The following OR2M5 variants were observed in gnomAD, a reference collection of about 807,000 sequenced individuals.
The protein encoded by OR2M5 is olfactory receptor family 2 subfamily M member 5, also known as olfactory receptor 2M5.
For synonymous variants in OR2M5, 164 were observed against 139.6 expected, an observed-to-expected ratio of 1.18 and a Z score of -1.23; for missense variants, 413 against 389.3, an observed-to-expected ratio of 1.06 and a Z score of -0.51.
chr1:248,145,327 C>A lies in OR2M5; in HGVS notation c.180C>A (p.Tyr60Ter), dbSNP rs529814999. The change falls in exon 1 of 1, where the codon TAC becomes TAA. Residue 60 changes from tyrosine (Y) to a stop codon, truncating the protein, a stop_gained. Transcript: ENST00000366476. LOFTEE classifies it low-confidence loss of function (END_TRUNC). ...YLDTQLHTPM[Y>*]FLLSQLFLMD... is the part of the protein sequence containing the mutation. ...ACACCCAGCTCCACACCCCCATGTA[C>A]TTCCTCCTCAGTCAACTGTTCCTCA... 1 of 1,614,064 alleles carries A rather than the reference C, an allele frequency of 6.2e-7. No homozygotes were observed. The highest frequency in any genetic ancestry group is 1.1e-5 in the South Asian group (1 of 91,070).
Position 248,145,430 on chromosome 1 carries a change from G to A in OR2M5, c.283G>A (p.Ala95Thr), listed in dbSNP as rs1665411987. ...YLSGSKSISMAGCATQIFFYV... is the reference protein window; with the variant it reads ...YLSGSKSISMTGCATQIFFYV... ...GTCTGGCAGCAAGTCCATTTCTATG[G>A]CTGGTTGTGCCACACAAATTTTCTT... is the stretch of plus-strand genomic sequence containing the variant. The change falls in exon 1 of 1, where the codon GCT (alanine) becomes ACT (threonine). Residue 95 changes from alanine (A) to threonine (T), a missense_variant. Ala to Thr is a moderately conservative substitution (Grantham distance 58). Transcript: ENST00000366476. The A allele has an allele frequency of 6.2e-7, 1 of 1,613,890 alleles. No homozygotes were observed. Among genetic ancestry groups the A allele is most frequent in the Admixed American group, 1.7e-5 (1 of 59,976 alleles).
Position 248,145,534 on chromosome 1 carries a change from T to C in OR2M5, c.387T>C (p.Pro129=), listed in dbSNP as rs754129485. The change falls in exon 1 of 1, where the codon CCT becomes CCC. Residue 129 remains proline (P), a synonymous_variant. Transcript: ENST00000366476. ...ACCGCTATATTGCCATTTGCCACCC[T>C]CTAAGATACACCAATCTCATGAGAC... ...SYDRYIAICH[P]LRYTNLMRPK... is the part of the protein sequence containing the mutation. 21 of 1,613,862 alleles carry C rather than the reference T, an allele frequency of 1.3e-5. No homozygotes were observed. The East Asian group carries it at 4.5e-4, about 34-fold the overall frequency.
chr1:248,145,211 C>T lies in OR2M5; in HGVS notation c.64C>T (p.Pro22Ser), dbSNP rs1665408018. 6.2e-7 allele frequency: 1 copy of T among 1,613,926 alleles called. No individual in the cohort carries two copies. The highest frequency in any genetic ancestry group is 2.2e-5 in the East Asian group (1 of 44,882). Residue 22 changes from proline (P) to serine (S), a missense_variant, in exon 1 of 1, where the codon CCC (proline) becomes TCC (serine). Physicochemically the swap from Pro to Ser is moderately conservative, Grantham distance 74. Transcript: ENST00000366476. ...FILLGIFNHS[P>S]THTFLFFLVL... Reference sequence around the variant, plus strand: ...CCTCCTGGGAATCTTCAATCACAGCCCCACCCACACCTTCCTCTTCTTTCT... The same window carrying T: ...CCTCCTGGGAATCTTCAATCACAGCTCCACCCACACCTTCCTCTTCTTTCT...
rs41305578 is a variant in OR2M5 at position 248,145,805 on chromosome 1, C to G, written c.658C>G (p.Arg220Gly). 2.2e-3 allele frequency: 3,471 copies of G among 1,613,198 alleles called. 7 individuals are homozygous for G. The highest frequency in any genetic ancestry group is 2.6e-3 in the Non-Finnish European group (3,086 of 1,179,786). The change falls in exon 1 of 1, where the codon CGA (arginine) becomes GGA (glycine). Residue 220 changes from arginine to glycine, a missense_variant. By Grantham distance (125) the Arg-to-Gly change is moderately radical. Transcript: ENST00000366476. The part of the protein sequence containing the change: ...PVAIIIASYA[R>G]VILAVIHMGS... ...TGCAATCATCATCGCTTCCTATGCT[C>G]GAGTTATTCTGGCTGTCATTCACAT...
rs148094705 is a variant in OR2M5 at position 248,145,899 on chromosome 1, A to G, written c.752A>G (p.Tyr251Cys). 3 of 1,613,912 alleles carry G rather than the reference A, an allele frequency of 1.9e-6. No individual in the cohort carries two copies. The highest frequency in any genetic ancestry group is 2.5e-6 in the Non-Finnish European group (3 of 1,179,934). Residue 251 changes from tyrosine (Y) to cysteine (C), a missense_variant, in exon 1 of 1, where the codon TAC becomes TGC. Tyr to Cys is a radical substitution (Grantham distance 194, BLOSUM62 -2). Transcript: ENST00000366476. ...CSSHLMVVGM[Y>C]YGAGLFMYIR... is the part of the protein sequence containing the mutation. ...TCTCACCTCATGGTGGTGGGAATGTACTATGGAGCAGGTTTGTTCATGTAC... is the reference window on the plus strand; with the variant it reads ...TCTCACCTCATGGTGGTGGGAATGTGCTATGGAGCAGGTTTGTTCATGTAC...
Position 248,145,637 on chromosome 1 carries a change from T to C in OR2M5, c.490T>C (p.Phe164Leu). 1 of 1,613,670 alleles carries C rather than the reference T, an allele frequency of 6.2e-7. No homozygotes were observed. The highest frequency in any genetic ancestry group is 2.2e-5 in the East Asian group (1 of 44,884). ...TGCAATCATTGATGCTGTAGCGACA[T>C]TTTCCTTCTCCTACTGTGGGTCTCG... is the stretch of plus-strand genomic sequence containing the variant. ...MDAIIDAVATFSFSYCGSREI... is the reference protein window; with the variant it reads ...MDAIIDAVATLSFSYCGSREI... Residue 164 changes from phenylalanine (F) to leucine (L), a missense_variant, in exon 1 of 1, where the codon TTT (phenylalanine) becomes CTT (leucine). Coordinates refer to ENST00000366476, the MANE Select transcript of OR2M5 (RefSeq NM_001004690.1).
chr1:248,145,799 T>C lies in OR2M5; in HGVS notation c.652T>C (p.Tyr218His), dbSNP rs539052411. The C allele has an allele frequency of 1.2e-6, 2 of 1,613,350 alleles. No individual in the cohort carries two copies. Among genetic ancestry groups the C allele is most frequent in the Admixed American group, 3.3e-5 (2 of 60,002 alleles). ...TCCTGTTGCAATCATCATCGCTTCC[T>C]ATGCTCGAGTTATTCTGGCTGTCAT... ...VFPVAIIIAS[Y>H]ARVILAVIHM... Residue 218 changes from tyrosine (Y) to histidine (H), a missense_variant, in exon 1 of 1, where the codon TAT becomes CAT. Tyr to His is a moderately conservative substitution (Grantham distance 83, BLOSUM62 2). Coordinates refer to ENST00000366476, the MANE Select transcript of OR2M5 (RefSeq NM_001004690.1).
chr1:248,145,274 T>G lies in OR2M5; in HGVS notation c.127T>G (p.Ser43Ala), dbSNP rs1363459039. Residue 43 changes from serine (S) to alanine (A), a missense_variant, in exon 1 of 1, where the codon TCT (serine) becomes GCT (alanine). By Grantham distance (99) the Ser-to-Ala change is moderately conservative (BLOSUM62 1). Transcript: ENST00000366476. ...CTTTTCAGTGGCCTTCATGGGAAAC[T>G]CTGTCATGGTTCTCCTCATCTACCT... ...AIFSVAFMGN[S>A]VMVLLIYLDT... The G allele has an allele frequency of 6.2e-7, 1 of 1,613,976 alleles. No homozygotes were observed. The highest frequency in any genetic ancestry group is 8.5e-7 in the Non-Finnish European group (1 of 1,179,946).
rs1665424665 is a variant in OR2M5, at chr1:248,145,969, G to A, written c.822G>A (p.Val274=). 1 of 1,613,798 alleles carries A rather than the reference G, an allele frequency of 6.2e-7. No individual in the cohort carries two copies. The highest frequency in any genetic ancestry group is 1.1e-5 in the South Asian group (1 of 91,076). ...GCTCCCCTATGCAGGACAAGCTGGT[G>A]TCTGTATTCTACACCATCCTCACTC... The part of the protein sequence containing the change: ...SDRSPMQDKL[V]SVFYTILTPM... The change falls in exon 1 of 1, where the codon GTG becomes GTA. Residue 274 remains valine, a synonymous_variant. Transcript: ENST00000366476.
chr1:248,145,693 T>C lies in OR2M5; in HGVS notation c.546T>C (p.Pro182=), dbSNP rs758076955. Residue 182 remains proline, a synonymous_variant, in exon 1 of 1, where the codon CCT becomes CCC. Coordinates refer to ENST00000366476, the MANE Select transcript of OR2M5 (RefSeq NM_001004690.1). ...TAGCCCACTTCTTCTGTGACTTCCC[T>C]TCCCTACTAATCCTCTCATGCAATG... ...REIAHFFCDF[P]SLLILSCNDT... 2 of 1,613,834 alleles carry C rather than the reference T, an allele frequency of 1.2e-6. No individual in the cohort carries two copies. Among genetic ancestry groups the C allele is most frequent in the Admixed American group, 1.7e-5 (1 of 59,994 alleles).
rs374109879 is a variant in OR2M5 at position 248,145,885 on chromosome 1, G to A, written c.738G>A (p.Met246Ile). The part of the protein sequence containing the change: ...KAFTTCSSHL[M>I]VVGMYYGAGL... ...TTACTACCTGTTCCTCTCACCTCAT[G>A]GTGGTGGGAATGTACTATGGAGCAG... Residue 246 changes from methionine (M) to isoleucine (I), a missense_variant, in exon 1 of 1, where the codon ATG becomes ATA. Coordinates refer to ENST00000366476, the MANE Select transcript of OR2M5 (RefSeq NM_001004690.1). 1.2e-6 allele frequency: 2 copies of A among 1,613,892 alleles called. No individual in the cohort carries two copies. Among genetic ancestry groups the A allele is most frequent in the Non-Finnish European group, 1.7e-6 (2 of 1,179,942 alleles).
Position 248,145,767 on chromosome 1 carries a change from T to C in OR2M5, c.620T>C (p.Ile207Thr). The stretch of plus-strand genomic sequence containing the variant: ...CTTTTCATCTGCTGTATAGTAATGA[T>C]TGTTTTTCCTGTTGCAATCATCATC... ...KVLFICCIVM[I>T]VFPVAIIIAS... The change falls in exon 1 of 1, where the codon ATT (isoleucine) becomes ACT (threonine). Residue 207 changes from isoleucine to threonine, a missense_variant. Ile to Thr is a moderately conservative substitution (Grantham distance 89, BLOSUM62 -1). Coordinates refer to ENST00000366476, the MANE Select transcript of OR2M5 (RefSeq NM_001004690.1). 1.2e-6 allele frequency: 2 copies of C among 1,613,700 alleles called. No individual in the cohort carries two copies. The highest frequency in any genetic ancestry group is 1.7e-6 in the Non-Finnish European group (2 of 1,179,794).
Position 248,145,362 on chromosome 1 carries a change from T to C in OR2M5, c.215T>C (p.Met72Thr), listed in dbSNP as rs774106517. 5 of 1,614,024 alleles carry C rather than the reference T, an allele frequency of 3.1e-6. No individual in the cohort carries two copies. Among genetic ancestry groups the C allele is most frequent in the Non-Finnish European group, 3.4e-6 (4 of 1,179,986 alleles). The change falls in exon 1 of 1, where the codon ATG becomes ACG. Residue 72 changes from methionine (M) to threonine (T), a missense_variant. Physicochemically the swap from Met to Thr is moderately conservative, Grantham distance 81. Transcript: ENST00000366476. ...AGTCAACTGTTCCTCATGGACCTCA[T>C]GCTCATCTGCTCTACCGTACCCAAG... ...LLSQLFLMDL[M>T]LICSTVPKMA...
Position 248,145,266 on chromosome 1 carries a change from T to C in OR2M5, c.119T>C (p.Met40Thr), listed in dbSNP as rs1665408990. 1 of 1,613,904 alleles carries C rather than the reference T, an allele frequency of 6.2e-7. No homozygotes were observed. Among genetic ancestry groups the C allele is most frequent in the Non-Finnish European group, 8.5e-7 (1 of 1,179,948 alleles). The change falls in exon 1 of 1, where the codon ATG (methionine) becomes ACG (threonine). Residue 40 changes from methionine to threonine, a missense_variant. Coordinates refer to ENST00000366476, the MANE Select transcript of OR2M5 (RefSeq NM_001004690.1). ...LVLAIFSVAF[M>T]GNSVMVLLIY... ...CTGGCCATCTTTTCAGTGGCCTTCA[T>C]GGGAAACTCTGTCATGGTTCTCCTC...
Position 248,145,652 on chromosome 1 carries a change from T to C in OR2M5, c.505T>C (p.Cys169Arg), listed in dbSNP as rs147321230. 5 of 1,613,856 alleles carry C rather than the reference T, an allele frequency of 3.1e-6. No individual in the cohort carries two copies. The highest frequency in any genetic ancestry group is 1.3e-5 in the African/African-American group (1 of 75,024). Residue 169 changes from cysteine (C) to arginine (R), a missense_variant, in exon 1 of 1, where the codon TGT becomes CGT. By Grantham distance (180) the Cys-to-Arg change is radical. Coordinates refer to ENST00000366476, the MANE Select transcript of OR2M5 (RefSeq NM_001004690.1). ...TGTAGCGACATTTTCCTTCTCCTAC[T>C]GTGGGTCTCGGGAAATAGCCCACTT... ...DAVATFSFSY[C>R]GSREIAHFFC...
chr1:248,145,713 G>T lies in OR2M5; in HGVS notation c.566G>T (p.Cys189Phe). The T allele has an allele frequency of 6.2e-7, 1 of 1,613,690 alleles. No individual in the cohort carries two copies. Among genetic ancestry groups the T allele is most frequent in the South Asian group, 1.1e-5 (1 of 91,070 alleles). ...TTCCCTTCCCTACTAATCCTCTCAT[G>T]CAATGACACATCAATATTTGAAAAG... ...CDFPSLLILSCNDTSIFEKVL... is the reference protein window; with the variant it reads ...CDFPSLLILSFNDTSIFEKVL... Residue 189 changes from cysteine (C) to phenylalanine (F), a missense_variant, in exon 1 of 1, where the codon TGC becomes TTC. Coordinates refer to ENST00000366476, the MANE Select transcript of OR2M5 (RefSeq NM_001004690.1).
rs1391599715 is a variant in OR2M5, at chr1:248,145,462, A to G, written c.315A>G (p.Val105=). The G allele has an allele frequency of 2.5e-6, 4 of 1,613,882 alleles. No individual in the cohort carries two copies. The highest frequency in any genetic ancestry group is 1.6e-4 in the Middle Eastern group (1 of 6,082). ...AGCATQIFFY[V]SLLGSECFLL... Reference sequence around the variant, plus strand: ...GTGCCACACAAATTTTCTTCTATGTATCACTGCTTGGCTCCGAATGCTTTC... The same window carrying G: ...GTGCCACACAAATTTTCTTCTATGTGTCACTGCTTGGCTCCGAATGCTTTC... The change falls in exon 1 of 1, where the codon GTA becomes GTG. Residue 105 remains valine (V), a synonymous_variant. Transcript: ENST00000366476.
Position 248,145,562 on chromosome 1 carries a change from A to G in OR2M5, c.415A>G (p.Lys139Glu). ...AAGATACACCAATCTCATGAGACCC[A>G]AAATTTGTGGACTTATGACTGCCTT... ...PLRYTNLMRPKICGLMTAFSW... is the reference protein window; with the variant it reads ...PLRYTNLMRPEICGLMTAFSW... Residue 139 changes from lysine (K) to glutamate (E), a missense_variant, in exon 1 of 1, where the codon AAA becomes GAA. By Grantham distance (56) the Lys-to-Glu change is moderately conservative (BLOSUM62 1). Coordinates refer to ENST00000366476, the MANE Select transcript of OR2M5 (RefSeq NM_001004690.1). 1 of 1,613,804 alleles carries G rather than the reference A, an allele frequency of 6.2e-7. No homozygotes were observed. The highest frequency in any genetic ancestry group is 8.5e-7 in the Non-Finnish European group (1 of 1,179,846).
In OR2M5 at chr1:248,145,778, G is replaced by A. The variant is rs770451149; in HGVS notation, c.631G>A (p.Val211Ile). The A allele has an allele frequency of 1.2e-6, 2 of 1,613,452 alleles. No individual in the cohort carries two copies. The highest frequency in any genetic ancestry group is 4.5e-5 in the East Asian group (2 of 44,878). The change falls in exon 1 of 1, where the codon GTT becomes ATT. Residue 211 changes from valine (V) to isoleucine (I), a missense_variant. Transcript: ENST00000366476. ...ICCIVMIVFP[V>I]AIIIASYARV... ...CTGTATAGTAATGATTGTTTTTCCT[G>A]TTGCAATCATCATCGCTTCCTATGC...
Sources: allele counts gnomAD v4.1 joint callset, GRCh38; gene constraint gnomAD v4.1.1; transcripts MANE v1.5; gene names NCBI Gene and HGNC (gene_info 2026-07-23, HGNC 2026-07-21).